The following GALNT13 variants were observed in gnomAD, a reference collection of about 807,000 sequenced individuals.
GALNT13 encodes UDP-GalNAc:polypeptide N-acetylgalactosaminyltransferase 13.
GALNT13 carries 28 observed loss-of-function variants against 64.2 expected under a neutral mutation model. The observed-to-expected ratio is 0.44, with a 90% CI of 0.32 to 0.60. The LOEUF (loss-of-function observed/expected upper bound fraction) is 0.60. Among genes scored for constraint, GALNT13 ranks in the 20% least tolerant of loss-of-function variants. The pLI, the probability that GALNT13 is intolerant of heterozygous loss-of-function variation, is 0.05. For synonymous variants in GALNT13, 214 were observed against 224.6 expected (o/e 0.95, Z 0.42); for missense variants, 577 against 669.8 (o/e 0.86, Z 1.53).
At chr2:154,380,567 C>G (rs995405823) in intron 9 of GALNT13, among the ~76,000 whole-genome samples, 2 of 151,790 alleles carry the variant, frequency 1.3e-5, no homozygotes, top group African/African-American at 4.8e-5. Flanking sequence ...GGGAGATTTT[C>G]ATAAGATGAA....
At chr2:153,491,434 A>C in the GALNT13 span, among the ~76,000 whole-genome samples, 2 of 152,142 alleles carry the variant, frequency 1.3e-5, no homozygotes, top group African/African-American at 4.8e-5. Flanking sequence ...TCAAAATCCT[A>C]AAGGGCTCTG....
chr2:154,383,083 A>T (rs543382987), intron 9 of GALNT13, among the ~76,000 whole-genome samples: 1 of 151,942 alleles, frequency 6.6e-6, no homozygotes, highest in South Asian at 2.1e-4. Context: ...GCTCATTGAA[A>T]AGACATCTGA....
chr2:154,309,994 G>T lies in GALNT13; in HGVS notation c.1156+8405G>T, dbSNP rs932320266. Among the ~76,000 whole-genome samples, 21 of 152,094 alleles carry T rather than the reference G, an allele frequency of 1.4e-4. 1 individual carries two copies. Among genetic ancestry groups the T allele is most frequent in the African/African-American group, 4.6e-4 (19 of 41,412 alleles). On this transcript the variant is annotated intron_variant, in intron 9 of 12. Transcript: ENST00000392825. ...CCCAAGAATTCCACATACCTGCCAC[G>T]TGGAACTACATTCATTGGGTCTCCA...
chr2:153,746,890 T>C, the GALNT13 span, among the ~76,000 whole-genome samples: 1 of 152,156 alleles, frequency 6.6e-6, no homozygotes, highest in Non-Finnish European at 1.5e-5. Flanking sequence ...ATATAATTTC[T>C]GTAAAAAATA....
At chr2:153,219,745 T>C in the GALNT13 span, among the ~76,000 whole-genome samples, 1 of 151,908 alleles carries the variant, frequency 6.6e-6, no homozygotes, top group Non-Finnish European at 1.5e-5. Context: ...TTTTAGCTGA[T>C]GTAGAAAGCT....
intron 3 of GALNT13, among the ~76,000 whole-genome samples, chr2:154,096,528 A>G (rs936043317): frequency 7.9e-5 from 12 of 152,170 alleles, no homozygotes; most frequent in African/African-American, 2.2e-4. Context: ...ACTTGCATAC[A>G]CAGATAAATT....
intron 9 of GALNT13, among the ~76,000 whole-genome samples, chr2:154,306,618 T>TTGG (rs1553512828): frequency 3.2e-5 from 4 of 126,408 alleles, no homozygotes; most frequent in Admixed American, 1.8e-4. Context: ...GATAATTTGG[T>TTGG]GGGGGGGGGG....
the GALNT13 span, among the ~76,000 whole-genome samples, chr2:153,350,170 C>A: frequency 6.6e-6 from 1 of 151,994 alleles, no homozygotes; most frequent in Non-Finnish European, 1.5e-5. Context: ...CCACGCATTT[C>A]TTTGAGAATC....
chr2:153,755,333 T>C, the GALNT13 span, among the ~76,000 whole-genome samples: 16 of 152,240 alleles, frequency 1.1e-4, no homozygotes, highest in East Asian at 3.1e-3. Context: ...CTCTATACAA[T>C]TTTCCATAAT....
the GALNT13 span, among the ~76,000 whole-genome samples, chr2:153,736,989 A>G: frequency 2.6e-5 from 4 of 152,294 alleles, no homozygotes; most frequent in African/African-American, 9.6e-5. Context: ...CTCTTCTGGG[A>G]GGGCAGTCCT....
At chr2:153,408,480 A>T in the GALNT13 span, among the ~76,000 whole-genome samples, 11 of 152,300 alleles carry the variant, frequency 7.2e-5, no homozygotes, top group Middle Eastern at 6.8e-3. Flanking sequence ...AATAAATAGC[A>T]AAAATAGTCC....
At chr2:154,239,308 CT>C (rs893129699) in intron 4 of GALNT13, among the ~76,000 whole-genome samples, 3 of 152,132 alleles carry the variant, frequency 2.0e-5, no homozygotes, top group African/African-American at 7.2e-5. Context: ...TTGAAAAAAT[CT>C]TTTTTAAAAA....
chr2:153,978,863 G>A (rs1017590778), intron 3 of GALNT13, among the ~76,000 whole-genome samples: 2 of 152,068 alleles, frequency 1.3e-5, no homozygotes, highest in Admixed American at 6.5e-5. Flanking sequence ...TTGCGCCCAG[G>A]AGTTTGAGGC....
At chr2:153,817,292 T>A in the GALNT13 span, among the ~76,000 whole-genome samples, 1 of 152,216 alleles carries the variant, frequency 6.6e-6, no homozygotes, top group Non-Finnish European at 1.5e-5. Flanking sequence ...GGCCAAACTT[T>A]AGTCAGGCTT....
chr2:153,738,316 C>T, the GALNT13 span, among the ~76,000 whole-genome samples: 10 of 151,890 alleles, frequency 6.6e-5, no homozygotes, highest in African/African-American at 9.7e-5. Flanking sequence ...AAAGTAGCTC[C>T]GTGCTCCCCA....
intron 3 of GALNT13, among the ~76,000 whole-genome samples, chr2:154,028,934 A>T (rs769613065): frequency 3.9e-5 from 6 of 152,042 alleles, no homozygotes; most frequent in Non-Finnish European, 8.8e-5. Context: ...TCGTAGGGCA[A>T]CCAGCTAACC....
At chr2:153,633,256 GGTT>G in the GALNT13 span, among the ~76,000 whole-genome samples, 82 of 152,196 alleles carry the variant, frequency 5.4e-4, no homozygotes, top group African/African-American at 1.9e-3. Context: ...CTATCCCTCA[GGTT>G]GTATTTGTGT....
the GALNT13 span, among the ~76,000 whole-genome samples, chr2:153,630,670 TAAAAAATTAA>T: frequency 5.3e-4 from 70 of 131,012 alleles, no homozygotes; most frequent in Non-Finnish European, 7.5e-4. Context: ...TAAAAAAAAT[TAAAAAATTAA>T]AAAAAATTAA....
chr2:154,347,558 A>G (rs1378799684), intron 9 of GALNT13, among the ~76,000 whole-genome samples: 1 of 152,112 alleles, frequency 6.6e-6, no homozygotes, highest in Non-Finnish European at 1.5e-5. Flanking sequence ...GTTTTTTCTC[A>G]ACTGTCTTTG....
Sources: gnomAD v4.1 joint callset for allele counts (sites outside exome capture counted in the v4.1 genomes callset) on GRCh38, gnomAD v4.1.1 for gene constraint, MANE v1.5 for transcripts, NCBI Gene and HGNC (gene_info 2026-07-23, HGNC 2026-07-21) for gene names.